The following NRDC variants were observed in gnomAD, a reference collection of about 807,000 sequenced individuals.
NRDC encodes the protein nardilysin.
A neutral mutation model predicts 147.1 loss-of-function variants in NRDC; 54 were observed. That is an observed-to-expected ratio of 0.37 (90% confidence interval 0.29 to 0.46). The LOEUF is 0.46. NRDC is among the 20% of genes least tolerant of loss of function. The probability of loss-of-function intolerance (pLI) is 1.00; values close to 1 mark genes in which losing one functional copy is unlikely to be tolerated. For synonymous variants in NRDC, 440 were observed against 482.1 expected (o/e 0.91, Z 1.14); for missense variants, 1,082 against 1,370.6 (o/e 0.79, Z 3.33).
chr1:51,868,410 G>C (rs528568692), intron 1 of NRDC, among the ~76,000 whole-genome samples: 1 of 150,854 alleles, frequency 6.6e-6, no homozygotes, highest in Admixed American at 6.6e-5. Flanking sequence ...TGAAGATGAA[G>C]ATAGAACGTT....
At chr1:51,877,965 A>T (rs1460130416) in intron 1 of NRDC, 16 of 1,167,398 alleles carry the variant, frequency 1.4e-5, no homozygotes, top group Non-Finnish European at 7.6e-6. Context: ...TGGTAACATA[A>T]TACCAAGACT....
intron 1 of NRDC, among the ~76,000 whole-genome samples, chr1:51,861,157 C>A (rs1682511877): frequency 6.6e-6 from 1 of 151,780 alleles, no homozygotes; most frequent in African/African-American, 2.4e-5. Flanking sequence ...ACCACGTTGG[C>A]CAGGCTGGTC....
chr1:51,812,961 C>A (rs1367325645), intron 14 of NRDC, among the ~76,000 whole-genome samples: 106 of 71,798 alleles, frequency 1.5e-3, no homozygotes, highest in East Asian at 3.7e-3. Flanking sequence ...GACTCTGTCT[C>A]AAAAAAAAAA....
chr1:51,849,883 A>G (rs1023587590), intron 1 of NRDC, among the ~76,000 whole-genome samples: 11 of 151,784 alleles, frequency 7.2e-5, no homozygotes, highest in Non-Finnish European at 1.3e-4. Context: ...CCAGGTATAA[A>G]AATACAGACT....
intron 3 of NRDC, among the ~76,000 whole-genome samples, chr1:51,835,196 G>T (rs1680895525): frequency 6.6e-6 from 1 of 151,862 alleles, no homozygotes. Context: ...AGAGCAGCTG[G>T]AACTCTAGGT....
chr1:51,825,710 C>A (rs1015473894), intron 5 of NRDC, among the ~76,000 whole-genome samples: 1 of 152,098 alleles, frequency 6.6e-6, no homozygotes, highest in Non-Finnish European at 1.5e-5. Context: ...AATATTAATC[C>A]TTTTATCTGG....
At chr1:51,794,686 C>T (rs992550297) in intron 23 of NRDC, 76 bp from the exon 24 acceptor site, 52 of 1,592,934 alleles carry the variant, frequency 3.3e-5, no homozygotes, top group Admixed American at 6.9e-5. Flanking sequence ...TTTCAATTGC[C>T]TTGTACACCA....
intron 4 of NRDC, among the ~76,000 whole-genome samples, chr1:51,830,863 A>C (rs1680676492): frequency 6.6e-6 from 1 of 152,238 alleles, no homozygotes; most frequent in South Asian, 2.1e-4. Flanking sequence ...ACTTATAAAC[A>C]ATGTGGCCTG....
intron 15 of NRDC, among the ~76,000 whole-genome samples, 159 bp downstream of exon 15, chr1:51,811,835 A>C (rs1679733536): frequency 6.6e-6 from 1 of 152,206 alleles, no homozygotes; most frequent in Admixed American, 6.5e-5. Context: ...ACCATGAGAA[A>C]TTATTCACAA....
chr1:51,789,240 T>G lies in NRDC; in HGVS notation c.3452A>C (p.Lys1151Thr). The part of the protein sequence containing the change: ...LNLLPYHKIV[K>T] ...GCCAACGTGACTGCAGTTTATTTAT[T>G]TGACTATTTTATGGTAGGGGAGAAG... Residue 1151 changes from lysine (K) to threonine (T), a missense_variant, in exon 31 of 31, where the codon AAA becomes ACA. This residue lies in a region of NRDC where 187 missense variants were observed against 193.6 expected (regional missense o/e 0.97). Coordinates refer to ENST00000352171, the MANE Select transcript of NRDC (RefSeq NM_001101662.2). The G allele has an allele frequency of 6.2e-7, 1 of 1,613,504 alleles. No homozygotes were observed. Among genetic ancestry groups the G allele is most frequent in the Non-Finnish European group, 8.5e-7 (1 of 1,179,612 alleles).
intron 1 of NRDC, among the ~76,000 whole-genome samples, chr1:51,876,294 C>T (rs76887442): frequency 6.6e-6 from 1 of 152,080 alleles, no homozygotes; most frequent in Admixed American, 6.5e-5. Context: ...ATCCGAAACA[C>T]TCGGGACCAA....
In NRDC at chr1:51,814,445, T is replaced by C. The variant is rs867035034; in HGVS notation, c.1619+106A>G. ...TCAATAAAGGAAATAGAGCAGAAAATGCCTGAAAAACCATCAAGGCAAGAC... is the reference window on the plus strand; with the variant it reads ...TCAATAAAGGAAATAGAGCAGAAAACGCCTGAAAAACCATCAAGGCAAGAC... On this transcript the variant is annotated intron_variant, in intron 13 of 30. Coordinates refer to ENST00000352171, the MANE Select transcript of NRDC (RefSeq NM_001101662.2). 7.1e-5 allele frequency: 74 copies of C among 1,047,050 alleles called. No individual in the cohort carries two copies. In the Middle Eastern group the frequency reaches 1.5e-3, roughly 21 times the overall value. The allele number at this position is 1,047,050 out of a possible 1,614,324, so 64.9% of individuals were successfully genotyped here. A position where few individuals can be genotyped will look rare whatever the true frequency, so the allele number is the denominator to read the frequency against.
chr1:51,798,504 A>C, intron 21 of NRDC, 93 bp from the exon 22 acceptor site: 2 of 1,112,404 alleles, frequency 1.8e-6, no homozygotes. Flanking sequence ...TCTATAAAGG[A>C]TGTGTTTCTA....
At chr1:51,873,477 ATTTT>A (rs1272905286) in intron 1 of NRDC, among the ~76,000 whole-genome samples, 65 of 125,960 alleles carry the variant, frequency 5.2e-4, no homozygotes, top group South Asian at 2.2e-3. Flanking sequence ...AATATATGGA[ATTTT>A]TATTTATTTA....
chr1:51,865,603 T>A (rs1475208765), intron 1 of NRDC, among the ~76,000 whole-genome samples: 1 of 152,054 alleles, frequency 6.6e-6, no homozygotes, highest in Non-Finnish European at 1.5e-5. Flanking sequence ...GCGCCCAGCC[T>A]AAAAAGATTT....
chr1:51,846,564 A>G (rs904911262), intron 1 of NRDC, among the ~76,000 whole-genome samples: 6 of 152,134 alleles, frequency 3.9e-5, no homozygotes, highest in East Asian at 1.9e-4. Context: ...GTTCTTTCCA[A>G]TGTTCGGATG....
intron 1 of NRDC, among the ~76,000 whole-genome samples, chr1:51,846,157 G>T (rs900728638): frequency 6.6e-6 from 1 of 151,862 alleles, no homozygotes; most frequent in East Asian, 1.9e-4. Context: ...TGACGCCCAG[G>T]TTGGAGTGCA....
chr1:51,832,533 G>A (rs1680765339), intron 4 of NRDC, among the ~76,000 whole-genome samples: 1 of 152,090 alleles, frequency 6.6e-6, no homozygotes, highest in African/African-American at 2.4e-5. Context: ...TTCCTGCTCT[G>A]AAGGAGCTTA....
At chr1:51,852,633 C>T (rs993504666) in intron 1 of NRDC, among the ~76,000 whole-genome samples, 9 of 15,154 alleles carry the variant, frequency 5.9e-4, no homozygotes, top group South Asian at 2.7e-3. Flanking sequence ...CCTCCATGCC[C>T]GGCCACTTTT....
Sources: gnomAD v4.1 joint callset for allele counts (sites outside exome capture counted in the v4.1 genomes callset) on GRCh38, gnomAD v4.1.1 for gene constraint, gnomAD v4.1.1 regional missense constraint, MANE v1.5 for transcripts, NCBI Gene and HGNC (gene_info 2026-07-23, HGNC 2026-07-21) for gene names.